Variants in FSTL4 observed in about 807,000 individuals in gnomAD.
The protein encoded by FSTL4 is follistatin-related protein 4.
A neutral mutation model predicts 78.2 loss-of-function variants in FSTL4; 28 were observed. The observed-to-expected ratio is 0.36, with a 90% CI of 0.27 to 0.49. The LOEUF (loss-of-function observed/expected upper bound fraction) is 0.49, where lower values mean the gene tolerates loss of function less well. FSTL4 is among the 20% of genes least tolerant of loss of function. The probability of loss-of-function intolerance (pLI) is 0.98; values close to 1 mark genes in which losing one functional copy is unlikely to be tolerated. For missense variants in FSTL4, 922 were observed against 1,084.9 expected (o/e 0.85, Z 2.11); for synonymous variants, 422 against 440.5 (o/e 0.96, Z 0.53).
the FSTL4 span, among the ~76,000 whole-genome samples, chr5:133,760,485 T>C: frequency 6.6e-6 from 1 of 152,274 alleles, no homozygotes; most frequent in East Asian, 1.9e-4. Context: ...AGATGCACCA[T>C]ATTTGGGCCT....
At chr5:133,385,549 G>A (rs188173851) in intron 4 of FSTL4, among the ~76,000 whole-genome samples, 235 of 152,304 alleles carry the variant, frequency 1.5e-3, no homozygotes, top group African/African-American at 5.4e-3. Context: ...CACAGAGGCT[G>A]AGTCCACTGG....
At chr5:133,572,481 C>CA (rs55829059) in intron 2 of FSTL4, among the ~76,000 whole-genome samples, 9,417 of 151,538 alleles carry the variant, frequency 0.062, 459 homozygotes, top group Non-Finnish European at 0.095. Flanking sequence ...GATATTTAGA[C>CA]AAAAAAACCC....
At chr5:133,788,522 A>T in the FSTL4 span, among the ~76,000 whole-genome samples, 8 of 149,520 alleles carry the variant, frequency 5.4e-5, no homozygotes, top group Admixed American at 1.3e-4. Flanking sequence ...ATGGTGACAA[A>T]CTCCCCCTCC....
intron 4 of FSTL4, among the ~76,000 whole-genome samples, chr5:133,340,890 A>G (rs17166609): frequency 0.15 from 22,938 of 151,986 alleles, 1,981 homozygotes; most frequent in East Asian, 0.37. Flanking sequence ...AAAAATGAGC[A>G]GGCTGCCCCC....
the FSTL4 span, among the ~76,000 whole-genome samples, chr5:133,670,754 A>T: frequency 6.6e-6 from 1 of 152,226 alleles, no homozygotes; most frequent in Non-Finnish European, 1.5e-5. Flanking sequence ...CCTGAATGTT[A>T]AGCATTAGGC....
chr5:133,705,194 G>T, the FSTL4 span, among the ~76,000 whole-genome samples: 2 of 152,022 alleles, frequency 1.3e-5, no homozygotes, highest in African/African-American at 4.8e-5. Context: ...CAAGTAGCTG[G>T]GATTACTGGT....
intron 6 of FSTL4, among the ~76,000 whole-genome samples, chr5:133,292,127 C>T (rs1366643080): frequency 2.6e-5 from 4 of 152,142 alleles, no homozygotes; most frequent in African/African-American, 9.7e-5. Context: ...CCCTTGGGGT[C>T]GTGCTGCCCT....
intron 3 of FSTL4, among the ~76,000 whole-genome samples, chr5:133,508,570 A>C (rs1048480750): frequency 6.6e-6 from 1 of 152,188 alleles, no homozygotes; most frequent in South Asian, 2.1e-4. Context: ...TCCACTGTAC[A>C]TGCGGTCTGT....
chr5:133,621,623 G>A, the FSTL4 span, among the ~76,000 whole-genome samples: 1 of 151,892 alleles, frequency 6.6e-6, no homozygotes, highest in Admixed American at 6.6e-5. Flanking sequence ...AGCGGGTGAG[G>A]GATAAAAGAC....
At chr5:133,732,979 G>A in the FSTL4 span, among the ~76,000 whole-genome samples, 1 of 152,212 alleles carries the variant, frequency 6.6e-6, no homozygotes, top group East Asian at 1.9e-4. Flanking sequence ...CTATGCTCAA[G>A]TCCGTAATTG....
intron 3 of FSTL4, among the ~76,000 whole-genome samples, chr5:133,442,081 C>G (rs149918836): frequency 1.4e-3 from 211 of 152,302 alleles, no homozygotes; most frequent in African/African-American, 5.0e-3. Flanking sequence ...AGGTCAGAGG[C>G]AGGGCCACAC....
chr5:133,259,350 C>T (rs993551422), intron 6 of FSTL4, among the ~76,000 whole-genome samples: 1 of 152,020 alleles, frequency 6.6e-6, no homozygotes, highest in African/African-American at 2.4e-5. Flanking sequence ...TTGGAGTGCT[C>T]TGGGAGCTGA....
In FSTL4 at chr5:133,199,589, C is replaced by G; in HGVS notation, c.2035G>C (p.Asp679His). Reference protein sequence around the residue: ...ARQLLVDSVTDSVLGPNGDVT... With the variant: ...ARQLLVDSVTHSVLGPNGDVT... ...TCACCATTGGGGCCAAGCACAGAGTCTGTGACACTGTCAACGAGCAGCTGT... is the reference window on the plus strand; with the variant it reads ...TCACCATTGGGGCCAAGCACAGAGTGTGTGACACTGTCAACGAGCAGCTGT... The change falls in exon 16 of 16, where the codon GAC becomes CAC. Residue 679 changes from aspartate to histidine, a missense_variant. By Grantham distance (81) the Asp-to-His change is moderately conservative. Transcript: ENST00000265342. This position sits in a 1 kb window ranked among gnomAD's most constrained non-coding sequence, Gnocchi z 4.4. 1 of 1,614,160 alleles carries G rather than the reference C, an allele frequency of 6.2e-7. No individual in the cohort carries two copies. Among genetic ancestry groups the G allele is most frequent in the Non-Finnish European group, 8.5e-7 (1 of 1,180,028 alleles).
At chr5:133,743,550 T>C in the FSTL4 span, among the ~76,000 whole-genome samples, 2 of 152,190 alleles carry the variant, frequency 1.3e-5, no homozygotes, top group Non-Finnish European at 2.9e-5. Flanking sequence ...AAGATAACAA[T>C]TTCAGGGATT....
chr5:133,783,869 G>T, the FSTL4 span, among the ~76,000 whole-genome samples: 1 of 150,108 alleles, frequency 6.7e-6, no homozygotes, highest in South Asian at 2.1e-4. Context: ...CCTTTCCACT[G>T]CCCCCGCCCA....
the FSTL4 span, among the ~76,000 whole-genome samples, chr5:133,632,294 A>C: frequency 1.3e-5 from 2 of 152,180 alleles, no homozygotes; most frequent in East Asian, 3.8e-4. Context: ...TTCTCTACAT[A>C]CATTTATAAC....
chr5:133,496,885 C>T (rs1351062800), intron 3 of FSTL4, among the ~76,000 whole-genome samples: 1 of 152,122 alleles, frequency 6.6e-6, no homozygotes, highest in Admixed American at 6.5e-5. Context: ...CCTGTACGTC[C>T]AGTTGGACTG....
the FSTL4 span, among the ~76,000 whole-genome samples, chr5:133,663,202 T>TAC: frequency 1.2e-4 from 18 of 151,930 alleles, no homozygotes; most frequent in South Asian, 2.1e-4. Flanking sequence ...ATCATAGAAC[T>TAC]ACACACACAC....
intron 3 of FSTL4, among the ~76,000 whole-genome samples, chr5:133,513,167 G>A (rs1012360955): frequency 6.6e-6 from 1 of 152,110 alleles, no homozygotes; most frequent in East Asian, 1.9e-4. Context: ...AGAGAGCTGC[G>A]CCTTTGCTAA....
Sources: allele counts gnomAD v4.1 joint callset (sites outside exome capture counted in the v4.1 genomes callset), GRCh38; gene constraint gnomAD v4.1.1; non-coding constraint Gnocchi (gnomAD v3.1); transcripts MANE v1.5; gene names NCBI Gene and HGNC (gene_info 2026-07-23, HGNC 2026-07-21).